CCDC178: variants seen among roughly 807,000 people sequenced by gnomAD.
CCDC178 encodes the protein coiled-coil domain-containing protein 178.
In CCDC178, 126 loss-of-function variants were observed where a neutral mutation model predicts 117.4. That is an observed-to-expected ratio of 1.07 (90% CI 0.93 to 1.24). CCDC178 has a LOEUF of 1.24. CCDC178 is among the 50% of genes most tolerant of loss of function. The pLI, the probability that CCDC178 is intolerant of heterozygous loss-of-function variation, is 0.00. For synonymous variants in CCDC178, 283 were observed against 313.4 expected (o/e 0.90, Z 1.02); for missense variants, 1,030 against 986.9 (o/e 1.04, Z -0.59).
chr18:33,264,490 TA>T (rs1432951872), intron 14 of CCDC178, among the ~76,000 whole-genome samples: 3 of 152,076 alleles, frequency 2.0e-5, no homozygotes, highest in Non-Finnish European at 2.9e-5. Flanking sequence ...AATCCGCTGT[TA>T]AAAATTATCC....
chr18:33,383,218 C>T (rs1328625498), intron 5 of CCDC178, among the ~76,000 whole-genome samples: 2 of 152,186 alleles, frequency 1.3e-5, no homozygotes, highest in South Asian at 2.1e-4. Flanking sequence ...ACAGACAGAA[C>T]TATCATTTCC....
chr18:33,237,067 A>C (rs1211337027), intron 15 of CCDC178, among the ~76,000 whole-genome samples: 3 of 152,164 alleles, frequency 2.0e-5, no homozygotes, highest in Non-Finnish European at 4.4e-5. Flanking sequence ...ACCTCCTGTG[A>C]GCCAAGCTGC....
intron 20 of CCDC178, among the ~76,000 whole-genome samples, chr18:33,134,080 A>C (rs933231416): frequency 1.3e-5 from 2 of 151,956 alleles, no homozygotes; most frequent in African/African-American, 4.8e-5. Context: ...AAGAACATGT[A>C]CAAAATGCTA....
intron 22 of CCDC178, among the ~76,000 whole-genome samples, chr18:32,948,585 T>A (rs569477273): frequency 2.0e-5 from 3 of 152,214 alleles, no homozygotes; most frequent in Admixed American, 6.5e-5. Flanking sequence ...GCATGTTACC[T>A]GCTAATAATG....
rs2063541731 is a variant in CCDC178 at position 33,389,704 on chromosome 18, T to C, written c.119-75A>G. ...AAATTTTAAAATAAGCACCACCATG[T>C]AAAAAACTACGTTAGAGAAGTGCTC... On this transcript the variant is annotated intron_variant, in intron 4 of 22. Transcript: ENST00000383096. 4.9e-6 allele frequency: 3 copies of C among 617,050 alleles called. No homozygotes were observed. The South Asian group carries it at 1.2e-4, about 24-fold the overall frequency. The allele number at this position is 617,050 out of a possible 1,614,324, so 38.2% of individuals were successfully genotyped here. A position where few individuals can be genotyped will look rare whatever the true frequency, so the allele number is the denominator to read the frequency against.
intron 20 of CCDC178, among the ~76,000 whole-genome samples, chr18:33,132,544 AT>A (rs1488338564): frequency 6.6e-6 from 1 of 151,764 alleles, no homozygotes; most frequent in Non-Finnish European, 1.5e-5. Context: ...AATGACTAAT[AT>A]TTATTAACAA....
chr18:33,200,972 A>G (rs1249641208), intron 20 of CCDC178, among the ~76,000 whole-genome samples: 1 of 152,206 alleles, frequency 6.6e-6, no homozygotes, highest in African/African-American at 2.4e-5. Flanking sequence ...ATCTTTTCCA[A>G]AGTAAACTGA....
chr18:33,410,648 T>C (rs2063837292), intron 3 of CCDC178, among the ~76,000 whole-genome samples: 1 of 152,176 alleles, frequency 6.6e-6, no homozygotes, highest in Non-Finnish European at 1.5e-5. Flanking sequence ...AAGAAAATTG[T>C]AGTAAGTTGA....
intron 22 of CCDC178, among the ~76,000 whole-genome samples, chr18:32,950,515 TG>T (rs1181080568): frequency 1.3e-5 from 2 of 152,218 alleles, no homozygotes; most frequent in Non-Finnish European, 2.9e-5. Flanking sequence ...TCATTTTGGC[TG>T]GATGTGGATG....
intron 22 of CCDC178, among the ~76,000 whole-genome samples, chr18:32,967,494 AT>A (rs2054839332): frequency 6.6e-6 from 1 of 150,700 alleles, no homozygotes; most frequent in Non-Finnish European, 1.5e-5. Context: ...GAAATTCTTT[AT>A]TCTTTTTTTT....
intron 15 of CCDC178, among the ~76,000 whole-genome samples, chr18:33,241,988 G>A (rs1486319660): frequency 6.6e-6 from 1 of 151,704 alleles, no homozygotes; most frequent in South Asian, 2.1e-4. Context: ...GATCAAAGCT[G>A]TAGACATTAT....
At chr18:33,344,403 C>T (rs1328518820) in intron 9 of CCDC178, among the ~76,000 whole-genome samples, 6 of 149,284 alleles carry the variant, frequency 4.0e-5, no homozygotes, top group Admixed American at 3.3e-4. Flanking sequence ...CGCAGACGAA[C>T]ATAAATCTGT....
At chr18:32,992,929 G>T (rs541525014) in intron 21 of CCDC178, among the ~76,000 whole-genome samples, 6 of 152,236 alleles carry the variant, frequency 3.9e-5, no homozygotes, top group Non-Finnish European at 8.8e-5. Context: ...ACTTTGGGAG[G>T]CCAAGGAGGG....
chr18:33,096,122 C>T (rs933004717), intron 20 of CCDC178, among the ~76,000 whole-genome samples: 6 of 150,746 alleles, frequency 4.0e-5, no homozygotes, highest in East Asian at 2.0e-4. Flanking sequence ...CCCCACCCCC[C>T]CCACTTGACT....
chr18:33,301,251 C>T lies in CCDC178; in HGVS notation c.1023-7939G>A, dbSNP rs545623018. Reference sequence around the variant, plus strand: ...AGCCTGTGGGTGCATAGAATGCAAGCGTGAAGGAAGGTTGGAGGCTTTTAG... The same window carrying T: ...AGCCTGTGGGTGCATAGAATGCAAGTGTGAAGGAAGGTTGGAGGCTTTTAG... On this transcript the variant is annotated intron_variant, in intron 11 of 22. Coordinates refer to ENST00000383096, the MANE Select transcript of CCDC178 (RefSeq NM_001105528.4). 3.3e-4 allele frequency among the ~76,000 whole-genome samples: 51 copies of T among 152,252 alleles called. 1 individual carries two copies. In the South Asian group the frequency reaches 9.5e-3, roughly 28 times the overall value.
intron 5 of CCDC178, among the ~76,000 whole-genome samples, chr18:33,386,318 A>T (rs1253428454): frequency 2.6e-5 from 4 of 152,164 alleles, no homozygotes; most frequent in African/African-American, 9.7e-5. Context: ...ACTATTCCAA[A>T]CAATTGAAAA....
chr18:33,407,927 C>T (rs1218922280), intron 3 of CCDC178, among the ~76,000 whole-genome samples: 3 of 151,562 alleles, frequency 2.0e-5, no homozygotes, highest in African/African-American at 4.8e-5. Context: ...AGTAATAAAA[C>T]CCTCATTACC....
At chr18:33,148,171 T>C (rs1050304566) in intron 20 of CCDC178, among the ~76,000 whole-genome samples, 2 of 152,220 alleles carry the variant, frequency 1.3e-5, no homozygotes, top group African/African-American at 4.8e-5. Flanking sequence ...TCTGCAATCC[T>C]GGCACCTCGG....
At chr18:33,176,309 C>T (rs2058664416) in intron 20 of CCDC178, among the ~76,000 whole-genome samples, 1 of 152,168 alleles carries the variant, frequency 6.6e-6, no homozygotes, top group African/African-American at 2.4e-5. Flanking sequence ...TCTGTAACCC[C>T]CTGAACTCAT....
Sources: gnomAD v4.1 joint callset for allele counts (sites outside exome capture counted in the v4.1 genomes callset) on GRCh38, gnomAD v4.1.1 for gene constraint, MANE v1.5 for transcripts, NCBI Gene and HGNC (gene_info 2026-07-23, HGNC 2026-07-21) for gene names.